Variants in NEGR1 observed in about 807,000 individuals in gnomAD.
The protein encoded by NEGR1 is neuronal growth regulator 1, also known as IgLON family member 4.
NEGR1 carries 10 observed loss-of-function variants against 40.9 expected under a neutral mutation model. The ratio of observed to expected loss-of-function variants is 0.24; its 90% CI spans 0.15 to 0.42. The LOEUF is 0.42. NEGR1 is among the 10% of genes least tolerant of loss of function. The probability of loss-of-function intolerance (pLI) is 1.00; values close to 1 mark genes in which losing one functional copy is unlikely to be tolerated. For missense variants in NEGR1, 352 were observed against 438.9 expected (o/e 0.80, Z 1.77); for synonymous variants, 185 against 166.8 (o/e 1.11, Z -0.84).
At chr1:72,197,685 C>A (rs1653048874) in intron 1 of NEGR1, among the ~76,000 whole-genome samples, 1 of 151,900 alleles carries the variant, frequency 6.6e-6, no homozygotes, top group Non-Finnish European at 1.5e-5. Flanking sequence ...AAAATAAATT[C>A]TCTTTCATAT....
chr1:72,158,677 C>T (rs1651448135), intron 1 of NEGR1, among the ~76,000 whole-genome samples: 1 of 152,134 alleles, frequency 6.6e-6, no homozygotes, highest in Non-Finnish European at 1.5e-5. Context: ...TCTATATAGA[C>T]ATGAAAATAA....
intron 1 of NEGR1, among the ~76,000 whole-genome samples, chr1:71,964,505 C>A (rs1476707708): frequency 6.6e-6 from 1 of 152,120 alleles, no homozygotes; most frequent in Non-Finnish European, 1.5e-5. Flanking sequence ...AGGTGCCACA[C>A]ACATGAATGA....
chr1:71,621,868 A>C (rs560241694), intron 4 of NEGR1, among the ~76,000 whole-genome samples: 2 of 152,048 alleles, frequency 1.3e-5, no homozygotes, highest in East Asian at 3.9e-4. Context: ...TACTGTGTTG[A>C]TGATGAGTAT....
intron 1 of NEGR1, among the ~76,000 whole-genome samples, chr1:72,174,456 A>G (rs1435507754): frequency 6.6e-6 from 1 of 152,180 alleles, no homozygotes; most frequent in Non-Finnish European, 1.5e-5. Flanking sequence ...GAGCAGGGAA[A>G]TTGCTTTAAA....
chr1:71,434,727 T>C (rs1349466921), intron 6 of NEGR1, among the ~76,000 whole-genome samples: 1 of 152,208 alleles, frequency 6.6e-6, no homozygotes, highest in East Asian at 1.9e-4. Context: ...CAGATTGTAC[T>C]GCAACTGTGG....
chr1:72,108,058 G>A (rs1250882819), intron 1 of NEGR1, among the ~76,000 whole-genome samples: 1 of 151,436 alleles, frequency 6.6e-6, no homozygotes, highest in African/African-American at 2.4e-5. Flanking sequence ...AAAGCTTCCA[G>A]GATAAAATAT....
intron 1 of NEGR1, among the ~76,000 whole-genome samples, chr1:72,138,183 T>C (rs1216791809): frequency 6.6e-6 from 1 of 152,148 alleles, no homozygotes; most frequent in African/African-American, 2.4e-5. Flanking sequence ...ATACATATGT[T>C]ATGACTTTTA....
chr1:71,492,014 C>A (rs1012470180), intron 6 of NEGR1, among the ~76,000 whole-genome samples: 3 of 152,040 alleles, frequency 2.0e-5, no homozygotes, highest in Non-Finnish European at 4.4e-5. Context: ...GACCTGTCTC[C>A]CACTTTTTGC....
At chr1:71,765,456 C>T (rs1656088527) in intron 3 of NEGR1, among the ~76,000 whole-genome samples, 1 of 151,878 alleles carries the variant, frequency 6.6e-6, no homozygotes, top group African/African-American at 2.4e-5. Context: ...TTTTCATTGG[C>T]AAAAATGTGT....
At chr1:72,249,608 T>G (rs1356438479) in intron 1 of NEGR1, among the ~76,000 whole-genome samples, 2 of 152,146 alleles carry the variant, frequency 1.3e-5, no homozygotes, top group African/African-American at 4.8e-5. Flanking sequence ...AATTAAATAC[T>G]TATCCATGTG....
At chr1:72,191,125 C>G (rs956038044) in intron 1 of NEGR1, among the ~76,000 whole-genome samples, 1 of 151,554 alleles carries the variant, frequency 6.6e-6, no homozygotes, top group African/African-American at 2.4e-5. Context: ...GATGTGATCC[C>G]TAAAACTCCC....
chr1:72,084,984 CA>C (rs921602053), intron 1 of NEGR1, among the ~76,000 whole-genome samples: 2 of 152,130 alleles, frequency 1.3e-5, no homozygotes, highest in Non-Finnish European at 2.9e-5. Flanking sequence ...AATGGTCTGA[CA>C]GATTTACAGA....
At chr1:71,416,811 G>C (rs1646358993) in intron 6 of NEGR1, among the ~76,000 whole-genome samples, 1 of 152,096 alleles carries the variant, frequency 6.6e-6, no homozygotes, top group Admixed American at 6.6e-5. Flanking sequence ...TTTTGTATTT[G>C]CAGTTTGCCT....
At chr1:72,088,200 C>T (rs992090743) in intron 1 of NEGR1, among the ~76,000 whole-genome samples, 1 of 152,048 alleles carries the variant, frequency 6.6e-6, no homozygotes, top group African/African-American at 2.4e-5. Context: ...GGAAGATAAC[C>T]TGTTAGTGTG....
At chr1:71,987,576 G>T (rs561034257) in intron 1 of NEGR1, among the ~76,000 whole-genome samples, 1 of 152,290 alleles carries the variant, frequency 6.6e-6, no homozygotes, top group East Asian at 1.9e-4. Flanking sequence ...GCGCCTAGTG[G>T]TCTTCAATGA....
chr1:71,894,164 T>C (rs2101854139), intron 2 of NEGR1, among the ~76,000 whole-genome samples: 1 of 139,376 alleles, frequency 7.2e-6, no homozygotes, highest in Admixed American at 7.3e-5. Flanking sequence ...ATGGCACATG[T>C]ATACATATGT....
At chr1:71,802,787 T>C (rs1657607829) in intron 2 of NEGR1, among the ~76,000 whole-genome samples, 2 of 152,344 alleles carry the variant, frequency 1.3e-5, no homozygotes, top group South Asian at 4.1e-4. Flanking sequence ...TTTATCTTAT[T>C]TCTAATCCAC....
intron 1 of NEGR1, among the ~76,000 whole-genome samples, chr1:72,075,239 C>A (rs1448651049): frequency 5.9e-5 from 9 of 152,008 alleles, no homozygotes; most frequent in Admixed American, 2.0e-4. Context: ...ATACAGGGAG[C>A]AAATAGATGG....
chr1:72,026,707 C>A (rs1249062234), intron 1 of NEGR1, among the ~76,000 whole-genome samples: 1 of 152,042 alleles, frequency 6.6e-6, no homozygotes, highest in Non-Finnish European at 1.5e-5. Context: ...GATTTTGGAC[C>A]CATCTTACTT....
Sources: allele counts gnomAD v4.1 joint callset (sites outside exome capture counted in the v4.1 genomes callset), GRCh38; gene constraint gnomAD v4.1.1; transcripts MANE v1.5; gene names NCBI Gene and HGNC (gene_info 2026-07-23, HGNC 2026-07-21).